Variants in PNPT1 observed in about 807,000 individuals in gnomAD.
PNPT1 encodes polyribonucleotide nucleotidyltransferase 1, mitochondrial.
Under a neutral mutation model 119.5 loss-of-function variants are expected in PNPT1, and 53 were observed. The observed-to-expected ratio is 0.44, with a 90% CI of 0.36 to 0.56. The LOEUF (loss-of-function observed/expected upper bound fraction) is 0.56, where lower values mean the gene tolerates loss of function less well. PNPT1 is among the 20% of genes least tolerant of loss of function. The probability of loss-of-function intolerance (pLI) is 0.00; values close to 1 mark genes in which losing one functional copy is unlikely to be tolerated. For synonymous variants in PNPT1, 357 were observed against 322.1 expected (o/e 1.11, Z -1.16); for missense variants, 948 against 938.5 (o/e 1.01, Z -0.13).
intron 14 of PNPT1, among the ~76,000 whole-genome samples, chr2:55,661,293 G>A (rs931801551): frequency 4.0e-5 from 6 of 151,680 alleles, no homozygotes; most frequent in South Asian, 4.2e-4. Context: ...GAATTTCACC[G>A]TTTTAGCCAG....
chr2:55,642,605 CAAAAAAA>C (rs559417017), intron 25 of PNPT1, among the ~76,000 whole-genome samples: 6 of 44,218 alleles, frequency 1.4e-4, no homozygotes, highest in East Asian at 7.2e-4. Flanking sequence ...GACTCTGTCC[CAAAAAAA>C]AAAAAAAAAA....
At chr2:55,660,239 A>G (rs1553497354) in intron 14 of PNPT1, 46 bp from the exon 15 acceptor site, 12 of 1,516,042 alleles carry the variant, frequency 7.9e-6, no homozygotes, top group Non-Finnish European at 8.9e-6. Context: ...GGGAAAAAAC[A>G]TATTTATTTC....
chr2:55,649,641 T>G (rs953608235), intron 18 of PNPT1, among the ~76,000 whole-genome samples: 1 of 152,212 alleles, frequency 6.6e-6, no homozygotes, highest in Non-Finnish European at 1.5e-5. Flanking sequence ...TGGGAAAAAC[T>G]GTTTGGAAAA....
At chr2:55,637,925 A>G (rs1049087750) in intron 26 of PNPT1, among the ~76,000 whole-genome samples, 4 of 148,306 alleles carry the variant, frequency 2.7e-5, no homozygotes, top group South Asian at 2.2e-4. Context: ...GCGTGAACCC[A>G]GGAGGTGGAG....
intron 27 of PNPT1, among the ~76,000 whole-genome samples, 193 bp from the exon 28 acceptor site, chr2:55,636,585 C>G (rs1051250710): frequency 1.3e-5 from 2 of 152,156 alleles, no homozygotes; most frequent in African/African-American, 4.8e-5. Context: ...AGAAAAGAGA[C>G]GGGGCAGTTA....
chr2:55,650,466 G>C (rs941039761), intron 18 of PNPT1, among the ~76,000 whole-genome samples: 1 of 152,192 alleles, frequency 6.6e-6, no homozygotes, highest in Non-Finnish European at 1.5e-5. Context: ...CCAGGCTGGA[G>C]TGCAGTGGCG....
intron 15 of PNPT1, among the ~76,000 whole-genome samples, chr2:55,657,332 GA>G (rs534097775): frequency 2.0e-5 from 3 of 146,780 alleles, no homozygotes; most frequent in South Asian, 2.2e-4. Context: ...TTTTAAAACA[GA>G]AAAAAAAAAT....
intron 8 of PNPT1, among the ~76,000 whole-genome samples, chr2:55,677,159 C>T (rs1697098042): frequency 1.3e-5 from 2 of 152,156 alleles, no homozygotes; most frequent in South Asian, 4.1e-4. Context: ...GAATCACTCT[C>T]AGCCTCCCTC....
At chr2:55,671,025 T>C (rs1462274997) in intron 11 of PNPT1, among the ~76,000 whole-genome samples, 1 of 151,776 alleles carries the variant, frequency 6.6e-6, no homozygotes, top group African/African-American at 2.4e-5. Context: ...AAAAAATACA[T>C]AGTAATAGCG....
chr2:55,650,992 G>C (rs1696168810), intron 18 of PNPT1, among the ~76,000 whole-genome samples: 2 of 148,322 alleles, frequency 1.3e-5, no homozygotes, highest in East Asian at 2.1e-4. Context: ...CGGGAGGTGA[G>C]GGGCGCCTCT....
chr2:55,681,004 A>G, intron 5 of PNPT1, 86 bp from the exon 6 acceptor site: 1 of 1,047,136 alleles, frequency 9.5e-7, no homozygotes, highest in South Asian at 1.4e-5. Flanking sequence ...TATATGGCTA[A>G]AAGCAGGGGC....
intron 18 of PNPT1, among the ~76,000 whole-genome samples, chr2:55,650,732 G>A (rs1409386415): frequency 2.7e-5 from 4 of 150,894 alleles, no homozygotes; most frequent in African/African-American, 9.8e-5. Flanking sequence ...TCTGAGAAGT[G>A]AGGAGACCCT....
chr2:55,681,296 A>T (rs907673391), intron 5 of PNPT1, among the ~76,000 whole-genome samples: 4 of 152,264 alleles, frequency 2.6e-5, no homozygotes, highest in African/African-American at 9.6e-5. Flanking sequence ...AGTCCCAACT[A>T]ATCAGGAGGC....
At chr2:55,640,579 G>T in intron 26 of PNPT1, 48 bp downstream of exon 26, 1 of 1,428,768 alleles carries the variant, frequency 7.0e-7, no homozygotes. Context: ...TCAATACAGT[G>T]TTTCAAGGCA....
In PNPT1 at chr2:55,656,223, A is replaced by G; in HGVS notation, c.1352-3T>C. On this transcript the variant is annotated splice_polypyrimidine_tract_variant and splice_region_variant and intron_variant, in intron 16 of 27. Coordinates refer to ENST00000447944, the MANE Select transcript of PNPT1 (RefSeq NM_033109.5). ...CAAAGCTTTCTCAGCAAGAGCACCTAAATTAGAATAGAAAACAATAAGTAA... is the reference window on the plus strand; with the variant it reads ...CAAAGCTTTCTCAGCAAGAGCACCTGAATTAGAATAGAAAACAATAAGTAA... The G allele has an allele frequency of 6.2e-7, 1 of 1,612,738 alleles. No individual in the cohort carries two copies. Among genetic ancestry groups the G allele is most frequent in the East Asian group, 2.2e-5 (1 of 44,764 alleles).
At chr2:55,673,969 C>T (rs922329821) in intron 8 of PNPT1, among the ~76,000 whole-genome samples, 2 of 150,934 alleles carry the variant, frequency 1.3e-5, no homozygotes, top group Non-Finnish European at 3.0e-5. Flanking sequence ...GTGATTAACC[C>T]GCCTCAGCCT....
chr2:55,670,616 G>C (rs1239592942), intron 11 of PNPT1, among the ~76,000 whole-genome samples: 14 of 152,158 alleles, frequency 9.2e-5, no homozygotes, highest in Non-Finnish European at 1.5e-5. Context: ...AACACTTACG[G>C]TGTGGCAGGC....
intron 27 of PNPT1, among the ~76,000 whole-genome samples, chr2:55,636,965 T>C (rs938931764): frequency 8.5e-5 from 13 of 152,196 alleles, no homozygotes; most frequent in Non-Finnish European, 1.2e-4. Flanking sequence ...TGGAGGCTAC[T>C]TGGACAATAA....
chr2:55,676,498 G>C (rs1272955033), intron 8 of PNPT1, among the ~76,000 whole-genome samples: 1 of 152,132 alleles, frequency 6.6e-6, no homozygotes, highest in Non-Finnish European at 1.5e-5. Flanking sequence ...TCAGAATGTT[G>C]GTGTTGAAGT....
Sources: allele counts gnomAD v4.1 joint callset (sites outside exome capture counted in the v4.1 genomes callset), GRCh38; gene constraint gnomAD v4.1.1; transcripts MANE v1.5; gene names NCBI Gene and HGNC (gene_info 2026-07-23, HGNC 2026-07-21).